MTHFD2L: variants seen among roughly 807,000 people sequenced by gnomAD.
The protein encoded by MTHFD2L is bifunctional methylenetetrahydrofolate dehydrogenase/cyclohydrolase 2, mitochondrial.
In MTHFD2L, 29 loss-of-function variants were observed where a neutral mutation model predicts 34.9. The ratio of observed to expected loss-of-function variants is 0.83; its 90% confidence interval spans 0.62 to 1.13. The LOEUF (loss-of-function observed/expected upper bound fraction) is 1.13. Ranked by LOEUF, MTHFD2L falls within the 50% of genes most tolerant of loss-of-function variation. MTHFD2L has a pLI of 0.00. For synonymous variants in MTHFD2L, 167 were observed against 155.7 expected, an observed-to-expected ratio of 1.07 and a Z score of -0.54; for missense variants, 481 against 446.5, an observed-to-expected ratio of 1.08 and a Z score of -0.70.
chr4:74,280,931 C>T (rs1262908353), intron 6 of MTHFD2L, among the ~76,000 whole-genome samples: 2 of 151,980 alleles, frequency 1.3e-5, no homozygotes. Context: ...TTATGACAAC[C>T]CTGGGGAATA....
intron 3 of MTHFD2L, among the ~76,000 whole-genome samples, chr4:74,188,726 ATG>A (rs1423942488): frequency 1.4e-5 from 1 of 73,254 alleles, no homozygotes; most frequent in Non-Finnish European, 2.4e-5. Flanking sequence ...GTATATATAT[ATG>A]TGTATACATA....
At chr4:74,202,657 C>T (rs1734644327) in intron 5 of MTHFD2L, among the ~76,000 whole-genome samples, 1 of 152,112 alleles carries the variant, frequency 6.6e-6, no homozygotes, top group African/African-American at 2.4e-5. Flanking sequence ...TTTTCATGTT[C>T]TTAATAGAAG....
chr4:74,219,761 T>C (rs1044838468), intron 5 of MTHFD2L, among the ~76,000 whole-genome samples: 2 of 152,120 alleles, frequency 1.3e-5, no homozygotes, highest in African/African-American at 4.8e-5. Context: ...AATAACAGGC[T>C]GAATGCCTTT....
chr4:74,188,390 G>T (rs1437065050), intron 3 of MTHFD2L, among the ~76,000 whole-genome samples: 1 of 152,102 alleles, frequency 6.6e-6, no homozygotes. Context: ...AAGTTTTCTG[G>T]TTTCTCTTCT....
chr4:74,116,459 T>C (rs760888020), intron 2 of MTHFD2L, among the ~76,000 whole-genome samples: 2 of 152,192 alleles, frequency 1.3e-5, no homozygotes, highest in Non-Finnish European at 2.9e-5. Flanking sequence ...AAAGCAGTCC[T>C]AATCAACTTG....
chr4:74,280,008 G>A (rs949086315), intron 6 of MTHFD2L, among the ~76,000 whole-genome samples: 1 of 152,064 alleles, frequency 6.6e-6, no homozygotes, highest in Non-Finnish European at 1.5e-5. Context: ...TGCTTAAATG[G>A]ATAGTACAGG....
At chr4:74,151,765 C>T (rs1001960958) in intron 1 of MTHFD2L, among the ~76,000 whole-genome samples, 2 of 152,160 alleles carry the variant, frequency 1.3e-5, no homozygotes, top group African/African-American at 4.8e-5. Context: ...GACATATTTA[C>T]AATATTAAGC....
intron 5 of MTHFD2L, among the ~76,000 whole-genome samples, chr4:74,209,398 T>C (rs1735915243): frequency 6.6e-6 from 1 of 152,130 alleles, no homozygotes; most frequent in Non-Finnish European, 1.5e-5. Flanking sequence ...CCTGTGTCCA[T>C]GTGTTCTCGT....
chr4:74,175,985 T>C (rs554792021), intron 3 of MTHFD2L, among the ~76,000 whole-genome samples: 16 of 152,216 alleles, frequency 1.1e-4, no homozygotes, highest in Middle Eastern at 3.4e-3. Flanking sequence ...TGAACTGTTA[T>C]ATTCCTTTCA....
At chr4:74,191,735 G>T (rs539205658) in intron 3 of MTHFD2L, among the ~76,000 whole-genome samples, 1 of 151,482 alleles carries the variant, frequency 6.6e-6, no homozygotes. Context: ...TATTTTTAGG[G>T]TTTTGTATTT....
chr4:74,120,240 A>C (rs1425394567), upstream of MTHFD2L, among the ~76,000 whole-genome samples: 4 of 152,230 alleles, frequency 2.6e-5, no homozygotes, highest in African/African-American at 9.6e-5. Context: ...TGATTAGATG[A>C]AATAGCAGAG....
At chr4:74,175,575 G>A (rs540209422) in intron 3 of MTHFD2L, among the ~76,000 whole-genome samples, 172 bp downstream of exon 3, 5 of 152,114 alleles carry the variant, frequency 3.3e-5, no homozygotes, top group African/African-American at 1.2e-4. Flanking sequence ...TGCTTACATG[G>A]ACAAAATCCT....
intron 7 of MTHFD2L, chr4:74,293,475 A>G: frequency 1.0e-6 from 1 of 969,622 alleles, no homozygotes; most frequent in African/African-American, 1.8e-5. Context: ...TCTCTATTTC[A>G]TTACTGACCA....
At chr4:74,268,638 A>G (rs1289737244) in intron 6 of MTHFD2L, among the ~76,000 whole-genome samples, 2 of 152,196 alleles carry the variant, frequency 1.3e-5, no homozygotes, top group Admixed American at 6.5e-5. Context: ...TTTTATCAGG[A>G]TGGCTTGACT....
intron 1 of MTHFD2L, among the ~76,000 whole-genome samples, chr4:74,148,163 A>T (rs773490799): frequency 4.6e-5 from 7 of 152,080 alleles, no homozygotes; most frequent in Non-Finnish European, 1.0e-4. Flanking sequence ...GTCAAAAATC[A>T]ATTAATCATA....
intron 6 of MTHFD2L, among the ~76,000 whole-genome samples, chr4:74,251,094 G>A (rs769148163): frequency 2.6e-4 from 39 of 152,122 alleles, no homozygotes; most frequent in Non-Finnish European, 3.2e-4. Flanking sequence ...TCTGAGTGAT[G>A]AACTCTAAGA....
intron 6 of MTHFD2L, among the ~76,000 whole-genome samples, chr4:74,258,040 T>A (rs772539126): frequency 5.9e-5 from 9 of 151,980 alleles, no homozygotes; most frequent in Non-Finnish European, 1.3e-4. Flanking sequence ...AGATATTACC[T>A]CACAACTGTT....
chr4:74,126,400 T>C (rs534312980), intron 1 of MTHFD2L, among the ~76,000 whole-genome samples: 12 of 152,236 alleles, frequency 7.9e-5, no homozygotes, highest in Admixed American at 7.2e-4. Context: ...AATCTGTGAG[T>C]GACAAAGGTC....
rs1750371525 is a variant in MTHFD2L at position 74,301,892 on chromosome 4, G to A, written c.*83G>A. The A allele has an allele frequency of 1.5e-6, 1 of 683,326 alleles. No homozygotes were observed. Among genetic ancestry groups the A allele is most frequent in the African/African-American group, 1.9e-5 (1 of 53,700 alleles). The allele number at this position is 683,326 out of a possible 1,614,324, so 42.3% of individuals were successfully genotyped here. A position where few individuals can be genotyped will look rare whatever the true frequency, so the allele number is the denominator to read the frequency against. On this transcript the variant is annotated 3_prime_UTR_variant, in exon 8 of 8. Coordinates refer to ENST00000325278, the MANE Select transcript of MTHFD2L (RefSeq NM_001144978.3). Reference sequence around the variant, plus strand: ...TAAAACCTTTATATTTTACTACAAAGCTATTTATTTCTACATGGTATTTAT... The same window carrying A: ...TAAAACCTTTATATTTTACTACAAAACTATTTATTTCTACATGGTATTTAT...
Sources: allele counts gnomAD v4.1 joint callset (sites outside exome capture counted in the v4.1 genomes callset), GRCh38; gene constraint gnomAD v4.1.1; transcripts MANE v1.5; gene names NCBI Gene and HGNC (gene_info 2026-07-23, HGNC 2026-07-21).